Variants in RUNDC3B observed in about 807,000 individuals in gnomAD.
RUNDC3B encodes RUN domain-containing protein 3B.
In RUNDC3B, 33 loss-of-function variants were observed where a neutral mutation model predicts 58.4. That is an observed-to-expected ratio of 0.56 (90% CI 0.43 to 0.75). RUNDC3B has a LOEUF of 0.75. Ranked by LOEUF, RUNDC3B falls within the 30% of genes least tolerant of loss-of-function variation. The pLI is 0.00. For missense variants in RUNDC3B, 501 were observed against 535.7 expected, an observed-to-expected ratio of 0.94 and a Z score of 0.64; for synonymous variants, 193 against 195.2, an observed-to-expected ratio of 0.99 and a Z score of 0.10.
chr7:87,803,229 A>G (rs2130927358), intron 8 of RUNDC3B, among the ~76,000 whole-genome samples: 1 of 152,306 alleles, frequency 6.6e-6, no homozygotes, highest in Middle Eastern at 3.4e-3. Flanking sequence ...CCTTTGAAAA[A>G]TAAAACAGCT....
chr7:87,830,080 A>G lies in RUNDC3B; in HGVS notation c.*50A>G, dbSNP rs1213695984. The G allele has an allele frequency of 8.1e-7, 1 of 1,230,890 alleles. No individual in the cohort carries two copies. The highest frequency in any genetic ancestry group is 1.5e-5 in the African/African-American group (1 of 65,012). 76.2% of individuals were successfully genotyped at this position (1,230,890 alleles called of 1,614,324 possible). The stretch of plus-strand genomic sequence containing the variant: ...TTTTTATGTTGTAAATGTTTAATTT[A>G]CATGTTTGACTGCTGGGAAGACCTT... On this transcript the variant is annotated 3_prime_UTR_variant, in exon 11 of 11. Coordinates refer to ENST00000394654, the MANE Select transcript of RUNDC3B (RefSeq NM_001134405.2).
intron 9 of RUNDC3B, among the ~76,000 whole-genome samples, chr7:87,810,195 T>C (rs983356099): frequency 5.3e-5 from 8 of 152,198 alleles, no homozygotes; most frequent in African/African-American, 1.7e-4. Context: ...AATTAAGTTA[T>C]ACAGAGTTTA....
chr7:87,716,336 C>A lies in RUNDC3B; in HGVS notation c.458+5681C>A, dbSNP rs1341964515. Among the ~76,000 whole-genome samples, 3 of 152,162 alleles carry A rather than the reference C, an allele frequency of 2.0e-5. No individual in the cohort carries two copies. The East Asian group carries it at 5.8e-4, about 29-fold the overall frequency. On this transcript the variant is annotated intron_variant, in intron 4 of 10. Transcript: ENST00000394654. ...AAAAAGAGGAGCAAAGTTTGTTTTTCCCTGAAGATTTCCTGAGTGAGCTTT... is the reference window on the plus strand; with the variant it reads ...AAAAAGAGGAGCAAAGTTTGTTTTTACCTGAAGATTTCCTGAGTGAGCTTT...
chr7:87,797,179 A>G (rs1287609579), intron 8 of RUNDC3B, among the ~76,000 whole-genome samples: 1 of 152,188 alleles, frequency 6.6e-6, no homozygotes, highest in Non-Finnish European at 1.5e-5. Context: ...AACTTTATAT[A>G]TAGACTGCAT....
intron 8 of RUNDC3B, among the ~76,000 whole-genome samples, chr7:87,789,531 C>A (rs542670949): frequency 3.3e-5 from 5 of 152,228 alleles, no homozygotes; most frequent in African/African-American, 1.2e-4. Flanking sequence ...TTATAACGGA[C>A]AGATTATGAC....
At chr7:87,793,946 C>T (rs1208354926) in intron 8 of RUNDC3B, among the ~76,000 whole-genome samples, 3 of 152,024 alleles carry the variant, frequency 2.0e-5, no homozygotes, top group African/African-American at 7.2e-5. Flanking sequence ...AAAGACTCCA[C>T]CAAAAAACTA....
chr7:87,762,836 A>T (rs951866825), intron 6 of RUNDC3B, among the ~76,000 whole-genome samples: 26 of 150,874 alleles, frequency 1.7e-4, no homozygotes, highest in Admixed American at 5.3e-4. Flanking sequence ...CTGTGTCCTT[A>T]TGTCTTTAAG....
At chr7:87,660,321 T>A (rs1337789279) in intron 2 of RUNDC3B, among the ~76,000 whole-genome samples, 1 of 152,090 alleles carries the variant, frequency 6.6e-6, no homozygotes, top group Non-Finnish European at 1.5e-5. Context: ...TTCTTTGATG[T>A]TATTCTATTT....
At chr7:87,652,082 G>T (rs1823634245) in intron 2 of RUNDC3B, among the ~76,000 whole-genome samples, 1 of 152,048 alleles carries the variant, frequency 6.6e-6, no homozygotes, top group East Asian at 1.9e-4. Context: ...ACTATATTGT[G>T]TGATGATCGT....
intron 4 of RUNDC3B, among the ~76,000 whole-genome samples, chr7:87,712,802 G>A (rs916429165): frequency 2.0e-5 from 3 of 151,728 alleles, no homozygotes; most frequent in African/African-American, 7.3e-5. Context: ...ATGGCTTGGC[G>A]TACAATGTCA....
intron 2 of RUNDC3B, chr7:87,694,098 TTG>T: frequency 2.7e-6 from 4 of 1,480,732 alleles, no homozygotes; most frequent in Non-Finnish European, 3.6e-6. Flanking sequence ...TTGTGTGTTT[TTG>T]TTTTTTTTTT....
chr7:87,653,803 C>T (rs115711175), intron 2 of RUNDC3B, among the ~76,000 whole-genome samples: 163 of 152,028 alleles, frequency 1.1e-3, no homozygotes, highest in African/African-American at 3.8e-3. Flanking sequence ...CTTACTTAGT[C>T]TTCTGGCTTA....
intron 10 of RUNDC3B, among the ~76,000 whole-genome samples, chr7:87,823,080 C>T (rs1051990795): frequency 1.3e-5 from 2 of 151,888 alleles, no homozygotes; most frequent in Non-Finnish European, 2.9e-5. Context: ...CATGTGTAAA[C>T]AAGCTAGCTA....
At chr7:87,732,882 T>C (rs377212921) in intron 4 of RUNDC3B, among the ~76,000 whole-genome samples, 4 of 152,274 alleles carry the variant, frequency 2.6e-5, no homozygotes, top group African/African-American at 9.6e-5. Context: ...ATAATGTGTG[T>C]GTAATTTCTA....
At position 87,813,701 on chromosome 7, in the gene RUNDC3B, C is replaced by T. The variant is rs972358290; in HGVS notation, c.1104-2440C>T. ...TAGCTAAAAGAGGTAAGATTTTGGC[C>T]GGGCGCAGTGGCTCACACCTGTAAT... On this transcript the variant is annotated intron_variant, in intron 9 of 10. Coordinates refer to ENST00000394654, the MANE Select transcript of RUNDC3B (RefSeq NM_001134405.2). Among the ~76,000 whole-genome samples the T allele has an allele frequency of 4.1e-4, 62 of 152,146 alleles. 1 individual carries two copies. Among genetic ancestry groups the T allele is most frequent in the African/African-American group, 1.3e-3 (56 of 41,512 alleles).
In RUNDC3B at chr7:87,823,406, A is replaced by G. The variant is rs1210090283; in HGVS notation, c.1226-6479A>G. 5.4e-5 allele frequency among the ~76,000 whole-genome samples: 8 copies of G among 148,602 alleles called. No homozygotes were observed. The East Asian group carries it at 1.6e-3, about 30-fold the overall frequency. On this transcript the variant is annotated intron_variant, in intron 10 of 10. Transcript: ENST00000394654. ...TTAAAATTGAGTATCTTTATTTTTTATTTTTATTTTTTTTAATTTTTTTAT... is the reference window on the plus strand; with the variant it reads ...TTAAAATTGAGTATCTTTATTTTTTGTTTTTATTTTTTTTAATTTTTTTAT...
At chr7:87,691,858 C>T (rs186685213) in intron 2 of RUNDC3B, among the ~76,000 whole-genome samples, 3 of 152,180 alleles carry the variant, frequency 2.0e-5, no homozygotes, top group East Asian at 1.9e-4. Context: ...CAGAGAAAAC[C>T]GATTGCTGGG....
chr7:87,797,588 G>C (rs1160317938), intron 8 of RUNDC3B, among the ~76,000 whole-genome samples: 1 of 152,072 alleles, frequency 6.6e-6, no homozygotes, highest in Non-Finnish European at 1.5e-5. Flanking sequence ...ATTAATTAGG[G>C]TTTGTAATGG....
chr7:87,648,979 C>T (rs145190422), intron 1 of RUNDC3B, among the ~76,000 whole-genome samples: 15 of 151,642 alleles, frequency 9.9e-5, no homozygotes, highest in Non-Finnish European at 1.5e-4. Context: ...ATTTTCTGTC[C>T]GGATTGAATA....
Sources: allele counts gnomAD v4.1 joint callset (sites outside exome capture counted in the v4.1 genomes callset), GRCh38; gene constraint gnomAD v4.1.1; transcripts MANE v1.5; gene names NCBI Gene and HGNC (gene_info 2026-07-23, HGNC 2026-07-21).